FHIT: variants seen among roughly 807,000 people sequenced by gnomAD.
The protein encoded by FHIT is bis(5'-adenosyl)-triphosphatase.
FHIT carries 19 observed loss-of-function variants against 17.9 expected under a neutral mutation model. That is an observed-to-expected ratio of 1.06 (90% confidence interval 0.74 to 1.56). The LOEUF (loss-of-function observed/expected upper bound fraction) is 1.56. FHIT is among the 40% of genes most tolerant of loss of function. The pLI is 0.00. For synonymous variants in FHIT, 81 were observed against 69.7 expected (o/e 1.16, Z -0.81); for missense variants, 248 against 189.2 (o/e 1.31, Z -1.82).
At chr3:60,576,328 G>T (rs1418799220) in intron 4 of FHIT, among the ~76,000 whole-genome samples, 2 of 152,082 alleles carry the variant, frequency 1.3e-5, no homozygotes, top group African/African-American at 4.8e-5. Context: ...ACGTCAGGAA[G>T]CACAGAAGAG....
At chr3:60,037,488 T>C (rs561664909) in intron 5 of FHIT, among the ~76,000 whole-genome samples, 51 of 150,836 alleles carry the variant, frequency 3.4e-4, no homozygotes, top group Middle Eastern at 3.4e-3. Flanking sequence ...GTTCAAGCAA[T>C]TCTCATGCTT....
At chr3:60,075,637 T>C (rs1702972668) in intron 5 of FHIT, among the ~76,000 whole-genome samples, 2 of 152,072 alleles carry the variant, frequency 1.3e-5, no homozygotes, top group South Asian at 4.1e-4. Flanking sequence ...CTCTCAGACC[T>C]GGTGGATGTG....
intron 5 of FHIT, among the ~76,000 whole-genome samples, chr3:60,324,918 T>A (rs564729123): frequency 6.6e-6 from 1 of 152,268 alleles, no homozygotes; most frequent in African/African-American, 2.4e-5. Flanking sequence ...GCTTTTCTAT[T>A]TTTCTTAGAC....
At chr3:59,847,260 T>C (rs1160990268) in intron 8 of FHIT, among the ~76,000 whole-genome samples, 1 of 152,144 alleles carries the variant, frequency 6.6e-6, no homozygotes, top group African/African-American at 2.4e-5. Flanking sequence ...TTAGGCTCTG[T>C]TCATCTTTCT....
intron 3 of FHIT, among the ~76,000 whole-genome samples, chr3:61,018,395 AG>A (rs1295576142): frequency 6.6e-6 from 1 of 152,246 alleles, no homozygotes; most frequent in African/African-American, 2.4e-5. Context: ...TGGGAATTTA[AG>A]TGTCATGCAC....
intron 3 of FHIT, among the ~76,000 whole-genome samples, chr3:60,825,485 G>A (rs202111850): frequency 6.6e-5 from 10 of 152,270 alleles, no homozygotes; most frequent in East Asian, 3.9e-4. Flanking sequence ...GTCCCCAACC[G>A]CCAGGCGGCA....
rs2038255702 is a variant in FHIT at position 61,179,244 on chromosome 3, G to A, written c.-164+21373C>T. Among the ~76,000 whole-genome samples, 6 of 151,700 alleles carry A rather than the reference G, an allele frequency of 4.0e-5. No homozygotes were observed. In the South Asian group the frequency reaches 1.2e-3, roughly 32 times the overall value. On this transcript the variant is annotated intron_variant, in intron 2 of 9. Transcript: ENST00000492590. ...AGAATGGTCTTGATCCCCTAACCTC[G>A]TTATCTGCCCACCTCGGCCTCCCGA...
chr3:60,316,434 T>G (rs1423013051), intron 5 of FHIT, among the ~76,000 whole-genome samples: 1 of 152,190 alleles, frequency 6.6e-6, no homozygotes. Flanking sequence ...AATTAAAGCC[T>G]TAGAGCCTAT....
chr3:60,901,920 G>A (rs1375113052), intron 3 of FHIT, among the ~76,000 whole-genome samples: 8 of 152,076 alleles, frequency 5.3e-5, no homozygotes, highest in Admixed American at 3.9e-4. Context: ...TTGTCCTCGC[G>A]TTGGGGATTT....
chr3:61,064,682 C>T (rs552909732), intron 2 of FHIT, among the ~76,000 whole-genome samples: 2 of 152,198 alleles, frequency 1.3e-5, no homozygotes, highest in East Asian at 1.9e-4. Flanking sequence ...CACTTGAGAA[C>T]GCCCACACGC....
intron 8 of FHIT, among the ~76,000 whole-genome samples, chr3:59,904,354 G>A (rs1704485220): frequency 6.6e-6 from 1 of 151,310 alleles, no homozygotes; most frequent in Non-Finnish European, 1.5e-5. Flanking sequence ...AGCGAGGGAA[G>A]GTGAAAAAGC....
chr3:60,440,617 A>T (rs771419899), intron 5 of FHIT, among the ~76,000 whole-genome samples: 2 of 152,094 alleles, frequency 1.3e-5, no homozygotes, highest in Non-Finnish European at 2.9e-5. Flanking sequence ...AGGTCATGTA[A>T]ACTCATTTAT....
At chr3:60,346,493 G>A (rs1045939953) in intron 5 of FHIT, among the ~76,000 whole-genome samples, 1 of 152,198 alleles carries the variant, frequency 6.6e-6, no homozygotes. Flanking sequence ...CCCAGGGGAG[G>A]AGCCTGTGCT....
At chr3:60,817,007 T>C (rs1248347487) in intron 4 of FHIT, among the ~76,000 whole-genome samples, 2 of 152,002 alleles carry the variant, frequency 1.3e-5, no homozygotes, top group Non-Finnish European at 2.9e-5. Context: ...TTTTCTTAAT[T>C]TAGGATTCTA....
At chr3:60,951,427 C>A (rs1462775435) in intron 3 of FHIT, among the ~76,000 whole-genome samples, 1 of 152,132 alleles carries the variant, frequency 6.6e-6, no homozygotes, top group African/African-American at 2.4e-5. Flanking sequence ...CTACTTAAGG[C>A]ACCAAGTATC....
chr3:61,055,639 A>G (rs2106672896), intron 2 of FHIT, among the ~76,000 whole-genome samples: 1 of 152,278 alleles, frequency 6.6e-6, no homozygotes, highest in South Asian at 2.1e-4. Flanking sequence ...CATGCCAGAT[A>G]CTGGGGGAAT....
chr3:60,283,947 C>A (rs1576419552), intron 5 of FHIT, among the ~76,000 whole-genome samples: 1 of 152,068 alleles, frequency 6.6e-6, no homozygotes, highest in East Asian at 1.9e-4. Flanking sequence ...GGAGCCAGTT[C>A]ATTAAACATT....
chr3:60,708,623 G>C (rs1577095400), intron 4 of FHIT, among the ~76,000 whole-genome samples: 1 of 152,284 alleles, frequency 6.6e-6, no homozygotes, highest in South Asian at 2.1e-4. Flanking sequence ...GCTGGAGGCT[G>C]TTCTAAAGGA....
intron 7 of FHIT, among the ~76,000 whole-genome samples, chr3:60,000,791 G>T (rs1433402320): frequency 6.6e-6 from 1 of 151,998 alleles, no homozygotes; most frequent in Non-Finnish European, 1.5e-5. Context: ...ATTTAAAATT[G>T]AATTACAATT....
Sources: gnomAD v4.1 joint callset for allele counts (sites outside exome capture counted in the v4.1 genomes callset) on GRCh38, gnomAD v4.1.1 for gene constraint, MANE v1.5 for transcripts, NCBI Gene and HGNC (gene_info 2026-07-23, HGNC 2026-07-21) for gene names.